XKR6: variants seen among roughly 807,000 people sequenced by gnomAD.
XKR6 encodes XK-related protein 6.
Under a neutral mutation model 56.7 loss-of-function variants are expected in XKR6, and 22 were observed. That is an observed-to-expected ratio of 0.39 (90% CI 0.28 to 0.55). The LOEUF is 0.55. Among genes scored for constraint, XKR6 ranks in the 20% least tolerant of loss-of-function variants. XKR6 has a pLI of 0.66. For synonymous variants in XKR6, 524 were observed against 387.8 expected, an observed-to-expected ratio of 1.35 and a Z score of -4.13; for missense variants, 852 against 889.0, an observed-to-expected ratio of 0.96 and a Z score of 0.53.
chr8:11,047,169 C>G (rs1799430723), intron 1 of XKR6, among the ~76,000 whole-genome samples: 1 of 152,090 alleles, frequency 6.6e-6, no homozygotes, highest in South Asian at 2.1e-4. Flanking sequence ...AAAAAAATAA[C>G]TATGCGAGGG....
chr8:11,149,438 A>T (rs944582870), intron 1 of XKR6, among the ~76,000 whole-genome samples: 2 of 152,224 alleles, frequency 1.3e-5, no homozygotes, highest in Non-Finnish European at 1.5e-5. Context: ...CCAAAATGTC[A>T]TTATGCACCT....
chr8:11,172,504 T>C (rs1382129796), intron 1 of XKR6, among the ~76,000 whole-genome samples: 1 of 152,194 alleles, frequency 6.6e-6, no homozygotes, highest in African/African-American at 2.4e-5. Context: ...ATTTTAGATC[T>C]GCACAAGTAC....
In XKR6 at chr8:11,201,512, G is replaced by T; in HGVS notation, c.-173C>A. On this transcript the variant is annotated 5_prime_UTR_variant, in exon 1 of 3. Transcript: ENST00000416569. ...GCCAGGGAACCCCCTCCGCTTCCGG[G>T]TAGTTGGCGTCACTTCCGGGCGAGC... The T allele has an allele frequency of 3.6e-6, 2 of 560,566 alleles. No individual in the cohort carries two copies. The highest frequency in any genetic ancestry group is 6.2e-6 in the Non-Finnish European group (2 of 320,612). The allele number at this position is 560,566 out of a possible 1,614,324, so 34.7% of individuals were successfully genotyped here.
chr8:10,985,641 A>G (rs997257188), intron 1 of XKR6, among the ~76,000 whole-genome samples: 3 of 151,936 alleles, frequency 2.0e-5, no homozygotes, highest in African/African-American at 7.2e-5. Context: ...AACAAAAAAC[A>G]ACAAAAACAA....
At chr8:11,070,700 T>TA (rs1292081475) in intron 1 of XKR6, among the ~76,000 whole-genome samples, 1 of 152,182 alleles carries the variant, frequency 6.6e-6, no homozygotes. Flanking sequence ...ATAAAACACT[T>TA]ATACAGATGA....
At chr8:11,139,858 A>G (rs1200378443) in intron 1 of XKR6, among the ~76,000 whole-genome samples, 1 of 152,228 alleles carries the variant, frequency 6.6e-6, no homozygotes, top group Non-Finnish European at 1.5e-5. Context: ...CGAGAGAAAG[A>G]TTTAAGCAGC....
chr8:11,201,310 C>G lies in XKR6; in HGVS notation c.30G>C (p.Val10=). 1 of 1,579,636 alleles carries G rather than the reference C, an allele frequency of 6.3e-7. No individual in the cohort carries two copies. The highest frequency in any genetic ancestry group is 8.5e-7 in the Non-Finnish European group (1 of 1,172,868). MAAKSDGGG[V]GVGFAQLHNL... The stretch of plus-strand genomic sequence containing the variant: ...TGTGCAGCTGAGCGAAGCCCACCCC[C>G]ACGCCACCGCCATCGGATTTCGCCG... Residue 10 remains valine, a synonymous_variant, in exon 1 of 3, where the codon GTG becomes GTC. Coordinates refer to ENST00000416569, the MANE Select transcript of XKR6 (RefSeq NM_173683.4).
intron 1 of XKR6, among the ~76,000 whole-genome samples, chr8:11,182,953 T>A (rs1317136009): frequency 6.6e-6 from 1 of 152,230 alleles, no homozygotes; most frequent in African/African-American, 2.4e-5. Context: ...CTTTTGTAAG[T>A]GGAATCACAT....
At chr8:11,136,335 G>A (rs894355869) in intron 1 of XKR6, among the ~76,000 whole-genome samples, 3 of 152,128 alleles carry the variant, frequency 2.0e-5, no homozygotes, top group Admixed American at 1.3e-4. Context: ...AACATGGCAA[G>A]ACCCTGTCTC....
chr8:11,060,337 A>C (rs1586490792), intron 1 of XKR6, among the ~76,000 whole-genome samples: 1 of 151,796 alleles, frequency 6.6e-6, no homozygotes, highest in East Asian at 1.9e-4. Context: ...CCACGCCTCC[A>C]CCTCTCCAGG....
At chr8:11,188,095 T>C (rs1378594396) in intron 1 of XKR6, among the ~76,000 whole-genome samples, 3 of 152,192 alleles carry the variant, frequency 2.0e-5, no homozygotes, top group East Asian at 1.9e-4. Context: ...TTCAGGAATG[T>C]GTGTATCACA....
intron 1 of XKR6, among the ~76,000 whole-genome samples, chr8:11,046,515 T>C (rs1055109646): frequency 3.9e-5 from 6 of 152,160 alleles, no homozygotes. Context: ...TTATTCACAG[T>C]AGCCAAAAGG....
chr8:11,137,750 A>G (rs1800479783), intron 1 of XKR6: 1 of 455,090 alleles, frequency 2.2e-6, no homozygotes, highest in Non-Finnish European at 4.4e-6. Context: ...CTCTGAATCG[A>G]ATCCTGCTCC....
chr8:10,987,509 C>T (rs1797888527), intron 1 of XKR6, among the ~76,000 whole-genome samples: 1 of 152,312 alleles, frequency 6.6e-6, no homozygotes, highest in Admixed American at 6.5e-5. Flanking sequence ...TTCTCATCAT[C>T]CCTTGTGTGA....
Position 11,200,884 on chromosome 8 carries a change from G to A in XKR6, c.456C>T (p.Asp152=), listed in dbSNP as rs1207006942. Residue 152 remains aspartate (D), a synonymous_variant, in exon 1 of 3, where the codon GAC becomes GAT. Coordinates refer to ENST00000416569, the MANE Select transcript of XKR6 (RefSeq NM_173683.4). This position sits in a 1 kb window ranked among gnomAD's most constrained non-coding sequence, Gnocchi z 6.4. ...AGACGTAGTCCCCCTTGCGGTAGTA[G>A]TCGAGGGCCAGCCACAGGTCGGTGC... The part of the protein sequence containing the change: ...DVGTDLWLAL[D]YYRKGDYVYF... 1.9e-5 allele frequency: 30 copies of A among 1,611,280 alleles called. No homozygotes were observed. Among genetic ancestry groups the A allele is most frequent in the Non-Finnish European group, 2.5e-5 (30 of 1,179,422 alleles).
intron 1 of XKR6, among the ~76,000 whole-genome samples, chr8:11,149,630 A>C (rs781241043): frequency 3.3e-5 from 5 of 152,088 alleles, no homozygotes; most frequent in Non-Finnish European, 7.3e-5. Flanking sequence ...AAAAAGACCC[A>C]CTGTTACTGT....
rs375048947 is a variant in XKR6 at position 11,200,567 on chromosome 8, T to C, written c.764+9A>G. On this transcript the variant is annotated intron_variant, in intron 1 of 2. Coordinates refer to ENST00000416569, the MANE Select transcript of XKR6 (RefSeq NM_173683.4). This position sits in a 1 kb window ranked among gnomAD's most constrained non-coding sequence, Gnocchi z 6.4. ...GGGCCGGCCCGCCCCCACCCCGCAG[T>C]GCTCTTACCTCCACACCTGCCCCAT... 1.1e-4 allele frequency: 164 copies of C among 1,458,316 alleles called. No individual in the cohort carries two copies. In the African/African-American group the frequency reaches 2.3e-3, roughly 20 times the overall value. The allele number at this position is 1,458,316 out of a possible 1,614,324, so 90.3% of individuals were successfully genotyped here. A position where few individuals can be genotyped will look rare whatever the true frequency, so the allele number is the denominator to read the frequency against.
At chr8:11,156,730 G>C (rs958867207) in intron 1 of XKR6, among the ~76,000 whole-genome samples, 3 of 152,018 alleles carry the variant, frequency 2.0e-5, no homozygotes, top group African/African-American at 7.2e-5. Flanking sequence ...GGTGGGAAGG[G>C]GAAAGACAAA....
intron 2 of XKR6, among the ~76,000 whole-genome samples, chr8:10,915,891 A>ATGCG (rs1188630924): frequency 6.6e-6 from 1 of 152,184 alleles, no homozygotes; most frequent in African/African-American, 2.4e-5. Flanking sequence ...GTGGATGAAG[A>ATGCG]TGCGAGCCAG....
Sources: gnomAD v4.1 joint callset for allele counts (sites outside exome capture counted in the v4.1 genomes callset) on GRCh38, gnomAD v4.1.1 for gene constraint, Gnocchi (gnomAD v3.1) non-coding constraint, MANE v1.5 for transcripts, NCBI Gene and HGNC (gene_info 2026-07-23, HGNC 2026-07-21) for gene names.